Variants in CABIN1 observed in about 807,000 individuals in gnomAD.
CABIN1 encodes the protein calcineurin-binding protein cabin-1.
Under a neutral mutation model 227.7 loss-of-function variants are expected in CABIN1, and 133 were observed. The ratio of observed to expected loss-of-function variants is 0.58; its 90% CI spans 0.51 to 0.67. The LOEUF is 0.67. CABIN1 is among the 30% of genes least tolerant of loss of function. The pLI, the probability that CABIN1 is intolerant of heterozygous loss-of-function variation, is 0.00. For synonymous variants in CABIN1, 1,086 were observed against 1,155.1 expected (o/e 0.94, Z 1.21); for missense variants, 2,408 against 2,852.5 (o/e 0.84, Z 3.55).
chr22:24,146,277 C>T (rs964095067), intron 29 of CABIN1, among the ~76,000 whole-genome samples: 3 of 152,148 alleles, frequency 2.0e-5, no homozygotes, highest in African/African-American at 7.2e-5. Context: ...TCAAGTTCTC[C>T]AGGGAAAAAA....
chr22:24,108,810 C>T (rs972525225), intron 26 of CABIN1, among the ~76,000 whole-genome samples: 4 of 152,022 alleles, frequency 2.6e-5, no homozygotes, highest in Non-Finnish European at 2.9e-5. Context: ...GTCAATGTTG[C>T]CCCCCCATCT....
intron 16 of CABIN1, among the ~76,000 whole-genome samples, chr22:24,070,080 A>AG (rs1555928636): frequency 8.2e-4 from 125 of 151,776 alleles, no homozygotes; most frequent in Non-Finnish European, 1.4e-3. Flanking sequence ...AAAAAAAAAA[A>AG]GGAGCTTTGC....
intron 34 of CABIN1, 32 bp downstream of exon 34, chr22:24,172,027 A>G: frequency 1.3e-6 from 2 of 1,594,306 alleles, no homozygotes; most frequent in Non-Finnish European, 1.7e-6. Context: ...AGCTGGGCCC[A>G]GGCCCCTGCC....
chr22:24,106,672 GTCTGTCTGTCTT>G (rs1289660986), intron 26 of CABIN1, among the ~76,000 whole-genome samples: 1 of 152,164 alleles, frequency 6.6e-6, no homozygotes. Context: ...GTTCATGTCT[GTCTGTCTGTCTT>G]TCTGTCTGTC....
chr22:24,177,626 C>G lies in CABIN1; in HGVS notation c.6328C>G (p.Gln2110Glu). Reference protein sequence around the residue: ...SSKAPSSGSAQPPEGHPGKPE... With the variant: ...SSKAPSSGSAEPPEGHPGKPE... ...CAAGGCCCCCAGCAGTGGGAGTGCCCAGCCACCAGAGGGTCACCCAGGCAA... is the reference window on the plus strand; with the variant it reads ...CAAGGCCCCCAGCAGTGGGAGTGCCGAGCCACCAGAGGGTCACCCAGGCAA... Residue 2110 changes from glutamine (Q) to glutamate (E), a missense_variant, in exon 36 of 37, where the codon CAG becomes GAG. By Grantham distance (29) the Gln-to-Glu change is conservative. This residue lies in a region of CABIN1 where 714 missense variants were observed against 773.8 expected (regional missense o/e 0.92). Coordinates refer to ENST00000263119, the MANE Select transcript of CABIN1 (RefSeq NM_012295.4). The surrounding 1 kb of genome is among the most constrained non-coding windows in gnomAD (Gnocchi z 4.4). 3 of 1,613,384 alleles carry G rather than the reference C, an allele frequency of 1.9e-6. No individual in the cohort carries two copies. The highest frequency in any genetic ancestry group is 2.5e-6 in the Non-Finnish European group (3 of 1,179,712).
Position 24,067,141 on chromosome 22 carries a change from C to T in CABIN1, c.2192C>T (p.Thr731Ile), listed in dbSNP as rs149511898. The T allele has an allele frequency of 7.2e-5, 116 of 1,614,152 alleles. No homozygotes were observed. Among genetic ancestry groups the T allele is most frequent in the Middle Eastern group, 6.6e-4 (4 of 6,084 alleles). ...FDRAKHLEFM[T>I]SIPERPAQLL... ...CGGGCCAAACACCTGGAGTTTATGA[C>T]TTCCATTCCTGAGAGGCCAGCCCAG... Residue 731 changes from threonine (T) to isoleucine (I), a missense_variant, in exon 16 of 37, where the codon ACT becomes ATT. By Grantham distance (89) the Thr-to-Ile change is moderately conservative. Around this residue, in one of 3 missense-constraint regions of CABIN1, gnomAD observed 1,045 missense variants for 1,168.4 expected, o/e 0.89. Coordinates refer to ENST00000263119, the MANE Select transcript of CABIN1 (RefSeq NM_012295.4).
chr22:24,114,550 G>A (rs538554717), intron 27 of CABIN1, among the ~76,000 whole-genome samples: 1 of 152,344 alleles, frequency 6.6e-6, no homozygotes, highest in East Asian at 1.9e-4. Context: ...TGAAGAATAT[G>A]AGATTCAGAG....
intron 29 of CABIN1, among the ~76,000 whole-genome samples, chr22:24,157,341 T>G (rs2045893199): frequency 6.6e-6 from 1 of 152,156 alleles, no homozygotes; most frequent in Non-Finnish European, 1.5e-5. Flanking sequence ...CTCTAAAGGC[T>G]TCGGGACTCC....
rs1602356278 is a variant in CABIN1, at chr22:24,149,477, C to T, written c.4747-14923C>T. On this transcript the variant is annotated intron_variant, in intron 29 of 36. Coordinates refer to ENST00000263119, the MANE Select transcript of CABIN1 (RefSeq NM_012295.4). ...AGGACCATGGATAAAGGCAGACATG[C>T]TACAGATAGGCTCACTGAGGTCAGT... Among the ~76,000 whole-genome samples, 6 of 152,296 alleles carry T rather than the reference C, an allele frequency of 3.9e-5. No homozygotes were observed. The South Asian group carries it at 1.2e-3, about 32-fold the overall frequency.
At chr22:24,143,855 C>G (rs1192545254) in intron 29 of CABIN1, among the ~76,000 whole-genome samples, 1 of 152,198 alleles carries the variant, frequency 6.6e-6, no homozygotes, top group Non-Finnish European at 1.5e-5. Context: ...AGGCCTCGCT[C>G]TTCCCCTTGG....
chr22:24,021,081 C>T (rs534158885), intron 1 of CABIN1, among the ~76,000 whole-genome samples: 1 of 151,852 alleles, frequency 6.6e-6, no homozygotes, highest in South Asian at 2.1e-4. Flanking sequence ...CTCACTGCAG[C>T]CTTGAACTCC....
At chr22:24,094,298 G>T (rs1399854226) in intron 24 of CABIN1, among the ~76,000 whole-genome samples, 1 of 152,094 alleles carries the variant, frequency 6.6e-6, no homozygotes, top group East Asian at 1.9e-4. Flanking sequence ...CTCTACTACT[G>T]CCTGATAGAG....
chr22:24,155,522 C>T (rs1255647295), intron 29 of CABIN1, among the ~76,000 whole-genome samples: 2 of 152,308 alleles, frequency 1.3e-5, no homozygotes, highest in East Asian at 3.9e-4. Context: ...ACCCACTTAC[C>T]ATGGCATCTC....
At chr22:24,167,868 G>C (rs553010028) in intron 32 of CABIN1, among the ~76,000 whole-genome samples, 80 of 152,200 alleles carry the variant, frequency 5.3e-4, no homozygotes, top group African/African-American at 1.9e-3. Flanking sequence ...ATGGACCTTG[G>C]GCACTGAATC....
intron 16 of CABIN1, among the ~76,000 whole-genome samples, chr22:24,070,530 C>A (rs1400219347): frequency 6.6e-6 from 1 of 152,238 alleles, no homozygotes; most frequent in East Asian, 1.9e-4. Context: ...CCCAGCATCC[C>A]CACTTTATAA....
At chr22:24,167,447 C>G (rs1602465136) in intron 32 of CABIN1, 134 bp downstream of exon 32, 1 of 742,526 alleles carries the variant, frequency 1.3e-6, no homozygotes, top group East Asian at 2.7e-5. Context: ...ACCATCCCTG[C>G]TGTTCACTTT....
rs749299333 is a variant in CABIN1, at chr22:24,083,255, G to A, written c.2776G>A (p.Ala926Thr). 7 of 1,612,630 alleles carry A rather than the reference G, an allele frequency of 4.3e-6. No individual in the cohort carries two copies. The highest frequency in any genetic ancestry group is 2.7e-5 in the African/African-American group (2 of 74,894). ...YVRVLQKELA[A>T]STSEDTHPYK... ...GCGAGTACTCCAGAAGGAACTGGCTGCATCCACCTCTGAAGACACGCACCC... is the reference window on the plus strand; with the variant it reads ...GCGAGTACTCCAGAAGGAACTGGCTACATCCACCTCTGAAGACACGCACCC... The change falls in exon 20 of 37, where the codon GCA (alanine) becomes ACA (threonine). Residue 926 changes from alanine to threonine, a missense_variant. Coordinates refer to ENST00000263119, the MANE Select transcript of CABIN1 (RefSeq NM_012295.4).
chr22:24,116,110 G>C (rs542566654), intron 27 of CABIN1, among the ~76,000 whole-genome samples: 1 of 152,288 alleles, frequency 6.6e-6, no homozygotes, highest in African/African-American at 2.4e-5. Flanking sequence ...CCTTGACCGA[G>C]GTGCCTTGAG....
At chr22:24,084,240 AT>A (rs987224344) in intron 20 of CABIN1, among the ~76,000 whole-genome samples, 528 of 140,426 alleles carry the variant, frequency 3.8e-3, no homozygotes, top group Middle Eastern at 0.011. Context: ...GGGCATGCAG[AT>A]TTTTTTTTTT....
Sources: gnomAD v4.1 joint callset for allele counts (sites outside exome capture counted in the v4.1 genomes callset) on GRCh38, gnomAD v4.1.1 for gene constraint, gnomAD v4.1.1 regional missense constraint, Gnocchi (gnomAD v3.1) non-coding constraint, MANE v1.5 for transcripts, NCBI Gene and HGNC (gene_info 2026-07-23, HGNC 2026-07-21) for gene names.